The following TAPT1 variants were observed in gnomAD, a reference collection of about 807,000 sequenced individuals.
TAPT1 encodes transmembrane anterior posterior transformation 1, also known as transmembrane anterior posterior transformation protein 1 homolog.
A neutral mutation model predicts 65.6 loss-of-function variants in TAPT1; 28 were observed. That is an observed-to-expected ratio of 0.43 (90% CI 0.32 to 0.59). The LOEUF (loss-of-function observed/expected upper bound fraction) is 0.59, where lower values mean the gene tolerates loss of function less well. Among genes scored for constraint, TAPT1 ranks in the 20% least tolerant of loss-of-function variants. The pLI is 0.09. For missense variants in TAPT1, 563 were observed against 679.9 expected (o/e 0.83, Z 1.91); for synonymous variants, 278 against 245.2 (o/e 1.13, Z -1.25).
At chr4:16,177,888 T>G (rs1748441874) in intron 8 of TAPT1, among the ~76,000 whole-genome samples, 1 of 152,074 alleles carries the variant, frequency 6.6e-6, no homozygotes, top group Non-Finnish European at 1.5e-5. Context: ...GTGAAAATGG[T>G]GAATTCATCA....
At chr4:16,226,575 A>T (rs1578498565), upstream of TAPT1, 2 of 633,036 alleles carry the variant, frequency 3.2e-6, no homozygotes, top group African/African-American at 4.4e-5. Context: ...CGCCGCCGCC[A>T]TCCGCGGCCC....
chr4:16,181,912 G>A (rs1318515814), intron 7 of TAPT1, among the ~76,000 whole-genome samples: 2 of 152,128 alleles, frequency 1.3e-5, no homozygotes, highest in Non-Finnish European at 2.9e-5. Context: ...ATATGATAGA[G>A]ATTAATAAAA....
intron 11 of TAPT1, among the ~76,000 whole-genome samples, chr4:16,172,052 C>A (rs1748028981): frequency 6.6e-6 from 1 of 152,092 alleles, no homozygotes; most frequent in Admixed American, 6.6e-5. Context: ...CACGACGAAG[C>A]TCTGTGAGCA....
intron 2 of TAPT1, among the ~76,000 whole-genome samples, chr4:16,211,779 TAAA>T (rs903812364): frequency 6.6e-6 from 1 of 150,542 alleles, no homozygotes; most frequent in African/African-American, 2.4e-5. Context: ...TCTATTTTCT[TAAA>T]AAAAAAATTC....
chr4:16,195,485 C>T (rs907722961), intron 3 of TAPT1, among the ~76,000 whole-genome samples: 19 of 152,196 alleles, frequency 1.2e-4, no homozygotes, highest in Non-Finnish European at 1.3e-4. Flanking sequence ...TGTATGTCAT[C>T]ACACAAGTAA....
intron 3 of TAPT1, among the ~76,000 whole-genome samples, chr4:16,192,925 TTTCC>T (rs1342755243): frequency 1.3e-5 from 2 of 152,236 alleles, no homozygotes; most frequent in African/African-American, 4.8e-5. Flanking sequence ...TCCAGAGCTC[TTTCC>T]TAATGCTTTT....
At chr4:16,181,601 TA>T (rs1364499124) in intron 7 of TAPT1, among the ~76,000 whole-genome samples, 6 of 152,248 alleles carry the variant, frequency 3.9e-5, no homozygotes, top group Non-Finnish European at 5.9e-5. Context: ...AAGATTTTTT[TA>T]TTTTTTTGAG....
intron 10 of TAPT1, 72 bp downstream of exon 10, chr4:16,174,598 A>G: frequency 7.4e-7 from 1 of 1,349,626 alleles, no homozygotes; most frequent in Non-Finnish European, 1.0e-6. Context: ...TTCATGCTAA[A>G]TTAATCATTA....
chr4:16,179,802 ATG>A lies in TAPT1; in HGVS notation c.917-147_917-146del, dbSNP rs56086979. 0.18 allele frequency: 53,931 copies of A among 300,322 alleles called. 3,163 individuals carry two copies. The highest frequency in any genetic ancestry group is 0.23 in the East Asian group (3,914 of 16,850). The allele number at this position is 300,322 out of a possible 1,614,324, so 18.6% of individuals were successfully genotyped here. ...AATATACAACTTTATATATATATAT[ATG>A]TGTGTGTGTGTGTGTGTGTGTGTAT... is the stretch of plus-strand genomic sequence containing the variant. On this transcript the variant is annotated intron_variant, in intron 7 of 13. Transcript: ENST00000405303.
At chr4:16,222,592 T>C (rs1751314470) in intron 1 of TAPT1, among the ~76,000 whole-genome samples, 1 of 152,238 alleles carries the variant, frequency 6.6e-6, no homozygotes, top group Non-Finnish European at 1.5e-5. Flanking sequence ...AAAAATGTAT[T>C]TGTAAGAAGA....
intron 1 of TAPT1, among the ~76,000 whole-genome samples, chr4:16,222,014 T>C (rs1264025888): frequency 6.6e-6 from 1 of 152,186 alleles, no homozygotes; most frequent in Non-Finnish European, 1.5e-5. Flanking sequence ...AGTAGAATAT[T>C]TACACATGTA....
intron 2 of TAPT1, among the ~76,000 whole-genome samples, chr4:16,209,254 C>T (rs564536260): frequency 6.6e-6 from 1 of 152,200 alleles, no homozygotes; most frequent in South Asian, 2.1e-4. Context: ...GCACACTTCC[C>T]CTTCTCTAAA....
chr4:16,196,869 T>C (rs1312862307), intron 3 of TAPT1: 9 of 440,460 alleles, frequency 2.0e-5, no homozygotes, highest in East Asian at 7.0e-5. Context: ...ATAAGCCACA[T>C]AGATCAGCCC....
At chr4:16,222,597 A>G (rs1428974625) in intron 1 of TAPT1, among the ~76,000 whole-genome samples, 2 of 152,244 alleles carry the variant, frequency 1.3e-5, no homozygotes, top group Non-Finnish European at 2.9e-5. Flanking sequence ...TGTATTTGTA[A>G]GAAGAAACTG....
At chr4:16,183,997 A>G (rs1748860452) in intron 7 of TAPT1, among the ~76,000 whole-genome samples, 1 of 152,328 alleles carries the variant, frequency 6.6e-6, no homozygotes, top group East Asian at 1.9e-4. Context: ...TAACTTGTTT[A>G]ACATATTCAT....
chr4:16,197,417 T>C (rs1749773834), intron 3 of TAPT1, among the ~76,000 whole-genome samples: 1 of 152,226 alleles, frequency 6.6e-6, no homozygotes, highest in Non-Finnish European at 1.5e-5. Flanking sequence ...GGTACCAGGC[T>C]ATATCATTTT....
chr4:16,165,045 T>C (rs1346143952), intron 13 of TAPT1, among the ~76,000 whole-genome samples: 1 of 152,104 alleles, frequency 6.6e-6, no homozygotes, highest in Non-Finnish European at 1.5e-5. Context: ...CAGGTCTCCA[T>C]GATCTAACTC....
At chr4:16,181,560 T>G (rs1046454709) in intron 7 of TAPT1, among the ~76,000 whole-genome samples, 1 of 152,294 alleles carries the variant, frequency 6.6e-6, no homozygotes, top group East Asian at 1.9e-4. Flanking sequence ...TCATTAAAGG[T>G]GTATTTAAGG....
rs1747208398 is a variant in TAPT1 at position 16,160,769 on chromosome 4, T to C, written c.*2539A>G. The C allele has an allele frequency of 6.6e-6, 1 of 152,648 alleles. No individual in the cohort carries two copies. Among genetic ancestry groups the C allele is most frequent in the Non-Finnish European group, 1.5e-5 (1 of 68,056 alleles). The allele number at this position is 152,648 out of a possible 1,614,324, so 9.5% of individuals were successfully genotyped here. A position where few individuals can be genotyped will look rare whatever the true frequency, so the allele number is the denominator to read the frequency against. On this transcript the variant is annotated 3_prime_UTR_variant, in exon 14 of 14. Transcript: ENST00000405303. ...GATATTACATTATTTTGTAAATTTATCTCCTCCTCTGCTGAGTTACCAGGA... is the reference window on the plus strand; with the variant it reads ...GATATTACATTATTTTGTAAATTTACCTCCTCCTCTGCTGAGTTACCAGGA...
Sources: gnomAD v4.1 joint callset for allele counts (sites outside exome capture counted in the v4.1 genomes callset) on GRCh38, gnomAD v4.1.1 for gene constraint, MANE v1.5 for transcripts, NCBI Gene and HGNC (gene_info 2026-07-23, HGNC 2026-07-21) for gene names.